CRADD: variants seen among roughly 807,000 people sequenced by gnomAD.
The protein encoded by CRADD is death domain-containing protein CRADD.
Under a neutral mutation model 15.5 loss-of-function variants are expected in CRADD, and 9 were observed. The observed-to-expected ratio is 0.58, with a 90% CI of 0.35 to 1.01. The LOEUF (loss-of-function observed/expected upper bound fraction) is 1.01, where lower values mean the gene tolerates loss of function less well. CRADD is among the 50% of genes least tolerant of loss of function. The pLI is 0.02. For missense variants in CRADD, 227 were observed against 250.3 expected, an observed-to-expected ratio of 0.91 and a Z score of 0.63; for synonymous variants, 118 against 107.6, an observed-to-expected ratio of 1.10 and a Z score of -0.60.
intron 2 of CRADD, among the ~76,000 whole-genome samples, chr12:93,722,960 G>A (rs1406420732): frequency 2.0e-5 from 3 of 152,092 alleles, no homozygotes; most frequent in South Asian, 2.1e-4. Context: ...TAGAAGTGTG[G>A]GAGGAGAGGA....
chr12:93,891,808 G>A (rs1357657865), intron 2 of CRADD, among the ~76,000 whole-genome samples: 1 of 152,096 alleles, frequency 6.6e-6, no homozygotes, highest in African/African-American at 2.4e-5. Context: ...TGGGCTCCTC[G>A]CACTTCTCAC....
intron 2 of CRADD, among the ~76,000 whole-genome samples, chr12:93,694,409 A>G (rs530842204): frequency 3.3e-5 from 5 of 152,278 alleles, no homozygotes; most frequent in South Asian, 2.1e-4. Context: ...AAGATCAGGA[A>G]CAAGAGAAGG....
At chr12:93,878,453 G>C (rs1490965694) in intron 2 of CRADD, among the ~76,000 whole-genome samples, 2 of 152,172 alleles carry the variant, frequency 1.3e-5, no homozygotes, top group Admixed American at 6.5e-5. Flanking sequence ...GCCTGGGGTA[G>C]GGTAGGGGTG....
chr12:93,690,764 A>G (rs1955545055), intron 2 of CRADD, among the ~76,000 whole-genome samples: 1 of 152,166 alleles, frequency 6.6e-6, no homozygotes, highest in Non-Finnish European at 1.5e-5. Flanking sequence ...TGTGCTTCTA[A>G]TCACTAGGGT....
At chr12:93,844,995 A>C (rs1385720656) in intron 2 of CRADD, among the ~76,000 whole-genome samples, 2 of 152,048 alleles carry the variant, frequency 1.3e-5, no homozygotes, top group Admixed American at 6.6e-5. Context: ...AAAAAACAAA[A>C]AACAAAACCC....
intron 2 of CRADD, among the ~76,000 whole-genome samples, chr12:93,784,145 G>A (rs759837711): frequency 9.2e-5 from 14 of 152,116 alleles, no homozygotes. Context: ...CTAGATCTTA[G>A]GAAATTATAC....
At chr12:93,800,501 A>G (rs1957465361) in intron 2 of CRADD, among the ~76,000 whole-genome samples, 1 of 151,944 alleles carries the variant, frequency 6.6e-6, no homozygotes, top group African/African-American at 2.4e-5. Context: ...GATCATGGGG[A>G]CGGTTCCCCC....
At chr12:93,738,076 C>T in intron 2 of CRADD, 1 of 475,156 alleles carries the variant, frequency 2.1e-6, no homozygotes, top group Non-Finnish European at 3.7e-6. Context: ...TTCGTTTTTA[C>T]TGTAAGTGTT....
At chr12:93,699,635 CAA>C (rs1279450182) in intron 2 of CRADD, among the ~76,000 whole-genome samples, 4 of 152,190 alleles carry the variant, frequency 2.6e-5, no homozygotes, top group Non-Finnish European at 5.9e-5. Context: ...CATTGAGACT[CAA>C]ACGTTCTGAT....
At chr12:93,707,995 G>A (rs1955988357) in intron 2 of CRADD, 1 of 152,214 alleles carries the variant, frequency 6.6e-6, no homozygotes, top group Non-Finnish European at 1.5e-5. Flanking sequence ...TATCTAGAAA[G>A]ATGTCAGTCC....
At chr12:93,784,768 C>T (rs1391507738) in intron 2 of CRADD, among the ~76,000 whole-genome samples, 1 of 152,074 alleles carries the variant, frequency 6.6e-6, no homozygotes. Flanking sequence ...GGCTACCTTG[C>T]AAGACGGTTA....
At chr12:93,688,983 T>C (rs1407730960) in intron 2 of CRADD, among the ~76,000 whole-genome samples, 3 of 152,158 alleles carry the variant, frequency 2.0e-5, no homozygotes, top group African/African-American at 7.2e-5. Context: ...CTCTCTCGTA[T>C]CTCTCATTTT....
Position 93,735,917 on chromosome 12 carries a change from T to C in CRADD, c.298+56845T>C, listed in dbSNP as rs1192104926. 2.0e-5 allele frequency among the ~76,000 whole-genome samples: 3 copies of C among 151,542 alleles called. No individual in the cohort carries two copies. The East Asian group carries it at 5.8e-4, about 29-fold the overall frequency. On this transcript the variant is annotated intron_variant, in intron 2 of 2. Transcript: ENST00000332896. ...GTATATAAAGTGCATAGCAAGCTGG[T>C]TGTGGTGGCTCAGGCCTGTATTTCC...
At chr12:93,812,829 G>C (rs1322081903) in intron 2 of CRADD, among the ~76,000 whole-genome samples, 5 of 152,162 alleles carry the variant, frequency 3.3e-5, no homozygotes, top group Non-Finnish European at 4.4e-5. Context: ...GTAAAATTCA[G>C]GTCTGGACTT....
At position 93,688,055 on chromosome 12, in the gene CRADD, C is replaced by T. The variant is rs139610686; in HGVS notation, c.298+8983C>T. ...GGAGACAGAGTCTCCTGCTGAAGAA[C>T]GAGTTGGATGCTCCTCTCAGTTAAA... On this transcript the variant is annotated intron_variant, in intron 2 of 2. Transcript: ENST00000332896. Among the ~76,000 whole-genome samples the T allele has an allele frequency of 3.3e-3, 497 of 152,268 alleles. 2 individuals are homozygous for T. The highest frequency in any genetic ancestry group is 0.011 in the African/African-American group (461 of 41,566).
intron 2 of CRADD, among the ~76,000 whole-genome samples, chr12:93,697,367 G>A (rs754255082): frequency 2.6e-5 from 4 of 152,196 alleles, no homozygotes; most frequent in African/African-American, 4.8e-5. Flanking sequence ...CTTCTGCCAC[G>A]TGAAGATGCA....
intron 2 of CRADD, among the ~76,000 whole-genome samples, chr12:93,750,399 A>G (rs4761524): frequency 0.56 from 85,859 of 152,072 alleles, 25,287 homozygotes; most frequent in East Asian, 0.89. Context: ...ATGTGACTTC[A>G]TTTTAGATGT....
At chr12:93,684,600 G>A (rs1486317241) in intron 2 of CRADD, among the ~76,000 whole-genome samples, 1 of 152,194 alleles carries the variant, frequency 6.6e-6, no homozygotes, top group South Asian at 2.1e-4. Flanking sequence ...TTTTCATGGA[G>A]TTCAATGTAT....
At chr12:93,807,808 G>A (rs537282557) in intron 2 of CRADD, among the ~76,000 whole-genome samples, 1 of 151,984 alleles carries the variant, frequency 6.6e-6, no homozygotes, top group Non-Finnish European at 1.5e-5. Flanking sequence ...CCATCAGTCA[G>A]CAAGTATTTA....
Sources: allele counts gnomAD v4.1 joint callset (sites outside exome capture counted in the v4.1 genomes callset), GRCh38; gene constraint gnomAD v4.1.1; transcripts MANE v1.5; gene names NCBI Gene and HGNC (gene_info 2026-07-23, HGNC 2026-07-21).